KCNJ16: variants seen among roughly 807,000 people sequenced by gnomAD.
The protein encoded by KCNJ16 is potassium inwardly rectifying channel subfamily J member 16, also known as inward rectifier potassium channel 16.
In KCNJ16, 15 loss-of-function variants were observed where a neutral mutation model predicts 18.5. That is an observed-to-expected ratio of 0.81 (90% CI 0.54 to 1.25). The LOEUF (loss-of-function observed/expected upper bound fraction) is 1.25. Among genes scored for constraint, KCNJ16 ranks in the 50% most tolerant of loss-of-function variants. The pLI, the probability that KCNJ16 is intolerant of heterozygous loss-of-function variation, is 0.00. For missense variants in KCNJ16, 523 were observed against 525.7 expected, an observed-to-expected ratio of 0.99 and a Z score of 0.05; for synonymous variants, 174 against 186.5, an observed-to-expected ratio of 0.93 and a Z score of 0.55.
rs539865962 is a variant in KCNJ16 at position 70,120,366 on chromosome 17, C to G, written c.-190-10513C>G. Among the ~76,000 whole-genome samples, 14 of 152,318 alleles carry G rather than the reference C, an allele frequency of 9.2e-5. No homozygotes were observed. In the South Asian group the frequency reaches 2.5e-3, roughly 27 times the overall value. The stretch of plus-strand genomic sequence containing the variant: ...CTCTGTCTGTCATTCAGTTTCAAAG[C>G]CACTTTCGCATTTTCACGTGTCTTT... On this transcript the variant is annotated intron_variant, in intron 2 of 3. Transcript: ENST00000392671.
chr17:70,115,810 G>A (rs1166706221), intron 2 of KCNJ16, among the ~76,000 whole-genome samples: 1 of 152,108 alleles, frequency 6.6e-6, no homozygotes, highest in East Asian at 1.9e-4. Context: ...TTACTTAGAT[G>A]AATTAAATGT....
chr17:70,117,350 C>T (rs763062973), intron 2 of KCNJ16, among the ~76,000 whole-genome samples: 1 of 152,092 alleles, frequency 6.6e-6, no homozygotes, highest in Non-Finnish European at 1.5e-5. Flanking sequence ...ACCTCAGCAT[C>T]ACACCAAACC....
chr17:70,076,693 T>C (rs2071326778), intron 1 of KCNJ16, among the ~76,000 whole-genome samples: 1 of 152,148 alleles, frequency 6.6e-6, no homozygotes, highest in South Asian at 2.1e-4. Context: ...TTCAAGGATA[T>C]TGAAAAATAT....
rs148874311 is a variant in KCNJ16 at position 70,132,886 on chromosome 17, G to T, written c.799G>T (p.Asp267Tyr). 7 of 1,613,998 alleles carry T rather than the reference G, an allele frequency of 4.3e-6. No homozygotes were observed. The African/African-American group carries it at 9.3e-5, about 22-fold the overall frequency. The change falls in exon 4 of 4, where the codon GAC (aspartate) becomes TAC (tyrosine). Residue 267 changes from aspartate to tyrosine, a missense_variant. By Grantham distance (160) the Asp-to-Tyr change is radical (BLOSUM62 -3). Transcript: ENST00000392671. ...CCATGAGAGCCCTCTGTATGCCCTT[G>T]ACCGCAAAGCAGTAGCCAAAGATAA... Reference protein sequence around the residue: ...IDHESPLYALDRKAVAKDNFE... With the variant: ...IDHESPLYALYRKAVAKDNFE...
chr17:70,081,989 C>A (rs1598083104), intron 1 of KCNJ16, among the ~76,000 whole-genome samples: 1 of 152,164 alleles, frequency 6.6e-6, no homozygotes, highest in African/African-American at 2.4e-5. Context: ...TTGTCTTTTA[C>A]ACTTTGGCTT....
intron 2 of KCNJ16, among the ~76,000 whole-genome samples, chr17:70,123,929 A>G (rs2073750617): frequency 6.6e-6 from 1 of 152,226 alleles, no homozygotes; most frequent in Non-Finnish European, 1.5e-5. Flanking sequence ...CAGGTGAGAG[A>G]TCAGGAAAGC....
intron 2 of KCNJ16, among the ~76,000 whole-genome samples, chr17:70,113,094 A>T (rs9891063): frequency 0.086 from 13,076 of 152,224 alleles, 1,890 homozygotes; most frequent in African/African-American, 0.3. Flanking sequence ...TTTCAAAGCA[A>T]ATAATTTATT....
At chr17:70,122,322 G>A (rs767347029) in intron 2 of KCNJ16, among the ~76,000 whole-genome samples, 6 of 149,884 alleles carry the variant, frequency 4.0e-5, no homozygotes, top group African/African-American at 1.0e-4. Context: ...ACAGGCACCC[G>A]CCACCACGCC....
chr17:70,079,531 C>T (rs2071460236), intron 1 of KCNJ16, among the ~76,000 whole-genome samples: 1 of 152,082 alleles, frequency 6.6e-6, no homozygotes. Context: ...TTGTCTTTTG[C>T]CATCCAGTTA....
In KCNJ16 at chr17:70,135,410, A is replaced by G. The variant is rs1453356468; in HGVS notation, c.*2066A>G. ...CGCTGATGTTTGCCTTGTCAATATC[A>G]GAATAGGGGCATCAGTGTCCCGTGA... is the stretch of plus-strand genomic sequence containing the variant. On this transcript the variant is annotated 3_prime_UTR_variant, in exon 4 of 4. Transcript: ENST00000392671. 1 of 167,038 alleles carries G rather than the reference A, an allele frequency of 6.0e-6. No individual in the cohort carries two copies. The highest frequency in any genetic ancestry group is 2.4e-5 in the African/African-American group (1 of 41,446). 10.3% of individuals were successfully genotyped at this position (167,038 alleles called of 1,614,324 possible).
chr17:70,129,983 G>T (rs1012320317), intron 2 of KCNJ16, among the ~76,000 whole-genome samples: 2 of 151,594 alleles, frequency 1.3e-5, no homozygotes, highest in African/African-American at 4.8e-5. Flanking sequence ...TCACACAGTA[G>T]CTCTCGATTT....
intron 2 of KCNJ16, among the ~76,000 whole-genome samples, chr17:70,126,233 C>T (rs2073850816): frequency 1.3e-5 from 2 of 152,160 alleles, no homozygotes; most frequent in African/African-American, 2.4e-5. Context: ...GATATCAGGA[C>T]ATCAGGACAT....
At chr17:70,092,525 CATAG>C (rs1258342866) in intron 1 of KCNJ16, among the ~76,000 whole-genome samples, 1 of 82,462 alleles carries the variant, frequency 1.2e-5, no homozygotes, top group African/African-American at 5.6e-5. Context: ...TAGATAGATA[CATAG>C]ACAGATAGAT....
At chr17:70,092,549 TATA>T (rs748952338) in intron 1 of KCNJ16, among the ~76,000 whole-genome samples, 58,150 of 119,630 alleles carry the variant, frequency 0.49, 15,585 homozygotes, top group Non-Finnish European at 0.54. Context: ...TATAGATAGA[TATA>T]GATAGATGAT....
chr17:70,114,374 C>T (rs1464754927), intron 2 of KCNJ16, among the ~76,000 whole-genome samples: 1 of 152,124 alleles, frequency 6.6e-6, no homozygotes, highest in Non-Finnish European at 1.5e-5. Context: ...AAAATAGCAA[C>T]AGAGAGACAG....
In KCNJ16 at chr17:70,132,064, G is replaced by C; in HGVS notation, c.-24G>C. 2 of 1,613,804 alleles carry C rather than the reference G, an allele frequency of 1.2e-6. No homozygotes were observed. Among genetic ancestry groups the C allele is most frequent in the Non-Finnish European group, 1.7e-6 (2 of 1,179,990 alleles). On this transcript the variant is annotated 5_prime_UTR_variant, in exon 4 of 4. Coordinates refer to ENST00000392671, the MANE Select transcript of KCNJ16 (RefSeq NM_170741.4). ...ATTCTTACTACTACAAAACTCACCT[G>C]GATCCCTAAGGGCACAGCAAAGAAT...
chr17:70,118,566 G>T (rs1034406749), intron 2 of KCNJ16, among the ~76,000 whole-genome samples: 3 of 152,066 alleles, frequency 2.0e-5, no homozygotes, highest in African/African-American at 7.2e-5. Context: ...GAAAGTGAAG[G>T]GGGAGCAGGC....
intron 2 of KCNJ16, among the ~76,000 whole-genome samples, chr17:70,110,478 G>GTGCACACACACACACACACA (rs1491105871): frequency 2.0e-4 from 25 of 122,296 alleles, no homozygotes; most frequent in Non-Finnish European, 6.7e-5. Flanking sequence ...CACACTTCGT[G>GTGCACACACACACACACACA]CGCGCACACA....
At chr17:70,103,174 TTATGTGTATATAAATATA>T (rs2072724464) in intron 2 of KCNJ16, among the ~76,000 whole-genome samples, 2 of 145,572 alleles carry the variant, frequency 1.4e-5, no homozygotes, top group Non-Finnish European at 3.0e-5. Flanking sequence ...TAATATATAT[TTATGTGTATATAAATATA>T]TATGTGTATA....
Sources: allele counts gnomAD v4.1 joint callset (sites outside exome capture counted in the v4.1 genomes callset), GRCh38; gene constraint gnomAD v4.1.1; transcripts MANE v1.5; gene names NCBI Gene and HGNC (gene_info 2026-07-23, HGNC 2026-07-21).